The following ITGB3 variants were observed in gnomAD, a reference collection of about 807,000 sequenced individuals.
ITGB3 encodes integrin subunit beta 3, also known as integrin beta-3.
ITGB3 carries 48 observed loss-of-function variants against 85.8 expected under a neutral mutation model. That is an observed-to-expected ratio of 0.56 (90% CI 0.44 to 0.71). The LOEUF is 0.71. ITGB3 is among the 30% of genes least tolerant of loss of function. The probability of loss-of-function intolerance (pLI) is 0.00; values close to 1 mark genes in which losing one functional copy is unlikely to be tolerated. For missense variants in ITGB3, 861 were observed against 1,019.1 expected, an observed-to-expected ratio of 0.84 and a Z score of 2.11; for synonymous variants, 363 against 395.6, an observed-to-expected ratio of 0.92 and a Z score of 0.98.
chr17:47,305,994 A>G (rs779581840), intron 13 of ITGB3, among the ~76,000 whole-genome samples: 34 of 152,224 alleles, frequency 2.2e-4, no homozygotes, highest in Non-Finnish European at 4.3e-4. Context: ...AGATGGAGAA[A>G]CAGGAAACAG....
intron 9 of ITGB3, 195 bp downstream of exon 9, chr17:47,291,283 G>A (rs942901165): frequency 5.8e-5 from 37 of 642,724 alleles, no homozygotes; most frequent in African/African-American, 1.8e-4. Context: ...CTTCTGTTGC[G>A]TAAGCCATTT....
Position 47,313,347 on chromosome 17 carries a change from C to CTTTTTT in ITGB3, c.*3155_*3160dup, listed in dbSNP as rs11381846. ...AGTATTCCTGGTTGAAATTTCTTTT[C>CTTTTTT]TTTTTTTTTTTTTTTTTGAGACAGA... is the stretch of plus-strand genomic sequence containing the variant. On this transcript the variant is annotated 3_prime_UTR_variant, in exon 15 of 15. Transcript: ENST00000559488. Among the ~76,000 whole-genome samples, 11 of 128,290 alleles carry CTTTTTT rather than the reference C, an allele frequency of 8.6e-5. No homozygotes were observed. Among genetic ancestry groups the CTTTTTT allele is most frequent in the African/African-American group, 1.2e-4 (4 of 33,922 alleles). 84.2% of individuals were successfully genotyped at this position (128,290 alleles called of 152,430 possible).
At chr17:47,282,034 C>T (rs1425900611) in intron 2 of ITGB3, among the ~76,000 whole-genome samples, 7 of 152,124 alleles carry the variant, frequency 4.6e-5, no homozygotes, top group Non-Finnish European at 7.4e-5. Flanking sequence ...CTGCAACCTC[C>T]ACCTCCCAGG....
At chr17:47,294,622 C>G (rs2065139052) in intron 10 of ITGB3, among the ~76,000 whole-genome samples, 1 of 152,148 alleles carries the variant, frequency 6.6e-6, no homozygotes, top group African/African-American at 2.4e-5. Flanking sequence ...AGGTGCCCAC[C>G]CAGCCTCAGG....
chr17:47,257,756 T>G (rs1374770855), intron 1 of ITGB3, among the ~76,000 whole-genome samples: 1 of 152,202 alleles, frequency 6.6e-6, no homozygotes, highest in Non-Finnish European at 1.5e-5. Context: ...ACTCAAGGGA[T>G]CCTCTGTAAA....
At chr17:47,295,752 G>C (rs1309407767) in intron 10 of ITGB3, among the ~76,000 whole-genome samples, 1 of 141,200 alleles carries the variant, frequency 7.1e-6, no homozygotes, top group African/African-American at 2.5e-5. Context: ...GCCAAATGCA[G>C]GGTGTAGTGA....
intron 8 of ITGB3, 113 bp downstream of exon 8, chr17:47,290,387 C>T: frequency 2.2e-6 from 2 of 895,770 alleles, no homozygotes; most frequent in South Asian, 1.3e-5. Context: ...GTCTTACTGC[C>T]TTCTCCGTGT....
At chr17:47,260,745 G>T (rs1344489967) in intron 1 of ITGB3, among the ~76,000 whole-genome samples, 1 of 152,010 alleles carries the variant, frequency 6.6e-6, no homozygotes. Flanking sequence ...AGACCATGCT[G>T]CCCTGGGCAG....
intron 13 of ITGB3, 82 bp from the exon 14 acceptor site, chr17:47,307,389 G>C (rs2065192523): frequency 6.6e-7 from 1 of 1,516,498 alleles, no homozygotes; most frequent in Non-Finnish European, 9.1e-7. Flanking sequence ...TAGTTACTTT[G>C]TCAAGAACAC....
chr17:47,294,248 A>G (rs1446934780), intron 10 of ITGB3, among the ~76,000 whole-genome samples: 1 of 152,226 alleles, frequency 6.6e-6, no homozygotes, highest in Non-Finnish European at 1.5e-5. Flanking sequence ...ATCTAATTCA[A>G]AGTACCAAAG....
intron 2 of ITGB3, among the ~76,000 whole-genome samples, chr17:47,275,527 C>G (rs2065060431): frequency 1.3e-5 from 2 of 152,246 alleles, no homozygotes; most frequent in Non-Finnish European, 2.9e-5. Flanking sequence ...CTGAGGCTTC[C>G]TCTGTCCCAC....
chr17:47,289,180 G>A (rs952296510), intron 6 of ITGB3, among the ~76,000 whole-genome samples: 1 of 152,170 alleles, frequency 6.6e-6, no homozygotes, highest in South Asian at 2.1e-4. Context: ...CCTTGTGCAC[G>A]GAAGCAGCTC....
chr17:47,292,259 T>C lies in ITGB3; in HGVS notation c.1381T>C (p.Cys461Arg), dbSNP rs1376979666. The change falls in exon 10 of 15, where the codon TGT (cysteine) becomes CGT (arginine). Residue 461 changes from cysteine to arginine, a missense_variant. By Grantham distance (180) the Cys-to-Arg change is radical. Coordinates refer to ENST00000559488, the MANE Select transcript of ITGB3 (RefSeq NM_000212.3). The stretch of plus-strand genomic sequence containing the variant: ...CGTCCAGGTCACCTTTGATTGTGAC[T>C]GTGCCTGCCAGGCCCAAGCTGAACC... ...LIVQVTFDCD[C>R]ACQAQAEPNS... is the part of the protein sequence containing the mutation. 1 of 1,614,106 alleles carries C rather than the reference T, an allele frequency of 6.2e-7. No homozygotes were observed. Among genetic ancestry groups the C allele is most frequent in the African/African-American group, 1.3e-5 (1 of 74,936 alleles).
intron 1 of ITGB3, among the ~76,000 whole-genome samples, chr17:47,266,085 AT>A (rs886604500): frequency 5.2e-4 from 77 of 149,318 alleles, no homozygotes; most frequent in African/African-American, 1.5e-3. Context: ...TAAGCATGAG[AT>A]TTTTTTTTTT....
At chr17:47,288,238 G>A (rs1471352745) in intron 6 of ITGB3, among the ~76,000 whole-genome samples, 1 of 79,348 alleles carries the variant, frequency 1.3e-5, no homozygotes, top group Non-Finnish European at 2.9e-5. Flanking sequence ...GAGAGAGAGA[G>A]AGAAAGAGGG....
intron 1 of ITGB3, among the ~76,000 whole-genome samples, chr17:47,272,350 G>T (rs2065047279): frequency 6.6e-6 from 1 of 151,652 alleles, no homozygotes; most frequent in African/African-American, 2.4e-5. Flanking sequence ...CACTGCGCTT[G>T]GCCATTTTTT....
At chr17:47,261,571 G>A (rs2143034177) in intron 1 of ITGB3, among the ~76,000 whole-genome samples, 1 of 148,512 alleles carries the variant, frequency 6.7e-6, no homozygotes, top group African/African-American at 2.5e-5. Flanking sequence ...CCAGGCTGGA[G>A]TGCAGTTGTG....
rs139239649 is a variant in ITGB3 at position 47,310,780 on chromosome 17, G to A, written c.*576G>A. On this transcript the variant is annotated 3_prime_UTR_variant, in exon 15 of 15. Transcript: ENST00000559488. ...CTCAGGCCGAAGGAGGAGTCAGGGA[G>A]AGCTGAACTATTAGAGCTGCCTGTG... 8.5e-4 allele frequency: 158 copies of A among 186,302 alleles called. 2 individuals are homozygous for A. Among genetic ancestry groups the A allele is most frequent in the African/African-American group, 3.5e-3 (152 of 43,294 alleles). The allele number at this position is 186,302 out of a possible 1,614,324, so 11.5% of individuals were successfully genotyped here.
rs1008304701 is a variant in ITGB3 at position 47,253,845 on chromosome 17, C to T, written c.-17C>T. 3 of 1,207,968 alleles carry T rather than the reference C, an allele frequency of 2.5e-6. No individual in the cohort carries two copies. Among genetic ancestry groups the T allele is most frequent in the Non-Finnish European group, 3.1e-6 (3 of 972,180 alleles). 74.8% of individuals were successfully genotyped at this position (1,207,968 alleles called of 1,614,324 possible). On this transcript the variant is annotated 5_prime_UTR_variant, in exon 1 of 15. Coordinates refer to ENST00000559488, the MANE Select transcript of ITGB3 (RefSeq NM_000212.3). ...GCCCACTGTGGGGCGGGCGGAGCGC[C>T]GCGGGAGGCGGACGAGATGCGAGCG...
Sources: gnomAD v4.1 joint callset for allele counts (sites outside exome capture counted in the v4.1 genomes callset) on GRCh38, gnomAD v4.1.1 for gene constraint, MANE v1.5 for transcripts, NCBI Gene and HGNC (gene_info 2026-07-23, HGNC 2026-07-21) for gene names.